The following IARS2 variants were observed in gnomAD, a reference collection of about 807,000 sequenced individuals.
IARS2 encodes isoleucine--tRNA ligase, mitochondrial.
A neutral mutation model predicts 126.3 loss-of-function variants in IARS2; 56 were observed. That is an observed-to-expected ratio of 0.44 (90% CI 0.36 to 0.55). IARS2 has a LOEUF of 0.55. Ranked by LOEUF, IARS2 falls within the 20% of genes least tolerant of loss-of-function variation. The pLI is 0.00. For missense variants in IARS2, 1,127 were observed against 1,245.9 expected (o/e 0.90, Z 1.44); for synonymous variants, 407 against 441.1 (o/e 0.92, Z 0.97).
At position 220,137,928 on chromosome 1, in the gene IARS2, A is replaced by G. The variant is rs746036167; in HGVS notation, c.2060A>G (p.Lys687Arg). The G allele has an allele frequency of 1.1e-5, 17 of 1,614,118 alleles. No homozygotes were observed. The highest frequency in any genetic ancestry group is 1.4e-5 in the Non-Finnish European group (17 of 1,180,004). ...TTTCTCAATGAAAAGGATCAAAGCA[A>G]AGAGCCTCCGTATGGTGCTGATGTC... is the stretch of plus-strand genomic sequence containing the variant. ...VVVNGGQDQS[K>R]EPPYGADVLR... The change falls in exon 17 of 23, where the codon AAA becomes AGA. Residue 687 changes from lysine (K) to arginine (R), a missense_variant. Transcript: ENST00000366922.
At chr1:220,127,492 A>G (rs1657178330) in intron 14 of IARS2, among the ~76,000 whole-genome samples, 1 of 152,230 alleles carries the variant, frequency 6.6e-6, no homozygotes, top group Non-Finnish European at 1.5e-5. Context: ...GCTTGAGAAG[A>G]AATATTTTTA....
At chr1:220,097,776 C>T (rs889587322) in intron 2 of IARS2, among the ~76,000 whole-genome samples, 30 of 152,196 alleles carry the variant, frequency 2.0e-4, no homozygotes, top group Non-Finnish European at 7.3e-5. Context: ...TTAATGGCTA[C>T]AGTGGATCAC....
Position 220,143,075 on chromosome 1 carries a change from G to A in IARS2, c.2692G>A (p.Ala898Thr). 1.9e-6 allele frequency: 3 copies of A among 1,614,180 alleles called. No homozygotes were observed. In the South Asian group the frequency reaches 3.3e-5, roughly 18 times the overall value. ...TCTTGGAAGCATCCCTGGCAAAAAT[G>A]CAGCTGAGTACAAGGTTATCACTGT... is the stretch of plus-strand genomic sequence containing the variant. The part of the protein sequence containing the change: ...SFLGSIPGKN[A>T]AEYKVITVIE... The change falls in exon 21 of 23, where the codon GCA (alanine) becomes ACA (threonine). Residue 898 changes from alanine (A) to threonine (T), a missense_variant. Ala to Thr is a moderately conservative substitution (Grantham distance 58, BLOSUM62 0). Coordinates refer to ENST00000366922, the MANE Select transcript of IARS2 (RefSeq NM_018060.4).
chr1:220,119,267 T>A (rs1475432366), intron 12 of IARS2, among the ~76,000 whole-genome samples: 1 of 152,094 alleles, frequency 6.6e-6, no homozygotes, highest in Non-Finnish European at 1.5e-5. Context: ...TGTGTTGAGA[T>A]AAGGCCTTTG....
At chr1:220,103,155 C>T (rs1245666831) in intron 7 of IARS2, among the ~76,000 whole-genome samples, 1 of 151,990 alleles carries the variant, frequency 6.6e-6, no homozygotes, top group Non-Finnish European at 1.5e-5. Flanking sequence ...ATTTTCCTGC[C>T]TCAGCCTCCC....
intron 12 of IARS2, among the ~76,000 whole-genome samples, chr1:220,116,692 A>G (rs549291637): frequency 1.3e-5 from 2 of 152,230 alleles, no homozygotes; most frequent in South Asian, 4.2e-4. Flanking sequence ...TCAGATGTAA[A>G]CTACTAATAT....
intron 8 of IARS2, among the ~76,000 whole-genome samples, chr1:220,105,657 A>G (rs781179718): frequency 2.6e-5 from 4 of 152,242 alleles, no homozygotes; most frequent in Non-Finnish European, 5.9e-5. Context: ...CAAAACACTT[A>G]AACTACATTA....
At position 220,135,607 on chromosome 1, in the gene IARS2, T is replaced by A. The variant is rs1238486496; in HGVS notation, c.1946+1097T>A. ...ACTCCTGCTCTCAAGGGATTCACCC[T>A]CCTGAGCCTCCCAAAGTGCTGGGAT... On this transcript the variant is annotated intron_variant, in intron 15 of 22. Coordinates refer to ENST00000366922, the MANE Select transcript of IARS2 (RefSeq NM_018060.4). Among the ~76,000 whole-genome samples, 3 of 148,802 alleles carry A rather than the reference T, an allele frequency of 2.0e-5. No homozygotes were observed. The East Asian group carries it at 6.4e-4, about 31-fold the overall frequency.
chr1:220,147,451 T>C, intron 22 of IARS2, 42 bp from the exon 23 acceptor site: 2 of 1,601,260 alleles, frequency 1.2e-6, no homozygotes, highest in East Asian at 2.2e-5. Flanking sequence ...GTGTTACAAG[T>C]TGAATGCCTA....
Position 220,094,255 on chromosome 1 carries a change from C to G in IARS2, c.39C>G (p.Ala13=), listed in dbSNP as rs1368669414. ...TGCGCCCTCGCGGGCCGGGCGCGGC[C>G]GCCCTGGCCACTGCCCGAAGTTTGT... ...WGLRPRGPGA[A]ALATARSLWG... is the part of the protein sequence containing the mutation. Residue 13 remains alanine, a synonymous_variant, in exon 1 of 23, where the codon GCC becomes GCG. Transcript: ENST00000366922. 6.2e-7 allele frequency: 1 copy of G among 1,601,094 alleles called. No individual in the cohort carries two copies. Among genetic ancestry groups the G allele is most frequent in the Admixed American group, 1.7e-5 (1 of 58,674 alleles).
chr1:220,117,732 C>T, intron 12 of IARS2: 1 of 416,146 alleles, frequency 2.4e-6, no homozygotes, highest in Middle Eastern at 3.6e-4. Flanking sequence ...CAGAAAAACA[C>T]AAGTTTTCAT....
At chr1:220,111,525 T>A (rs2102823337) in intron 11 of IARS2, among the ~76,000 whole-genome samples, 1 of 151,754 alleles carries the variant, frequency 6.6e-6, no homozygotes, top group South Asian at 2.1e-4. Flanking sequence ...GGTATTTAAA[T>A]ACTTAATATA....
chr1:220,127,422 T>C (rs1411468173), intron 14 of IARS2, among the ~76,000 whole-genome samples: 1 of 152,190 alleles, frequency 6.6e-6, no homozygotes, highest in Non-Finnish European at 1.5e-5. Flanking sequence ...AGGAGAGACG[T>C]TGGGCAGGAA....
rs200153924 is a variant in IARS2, at chr1:220,138,061, T to A, written c.2175+18T>A. On this transcript the variant is annotated intron_variant, in intron 17 of 22. Transcript: ENST00000366922. ...TTAGCAAGGTTAGAACTATTATTCT[T>A]CCTATTTCTAAAGGACAAGTTTGTC... 1.2e-6 allele frequency: 2 copies of A among 1,610,582 alleles called. No individual in the cohort carries two copies. Among genetic ancestry groups the A allele is most frequent in the Non-Finnish European group, 1.7e-6 (2 of 1,177,540 alleles).
intron 14 of IARS2, 111 bp downstream of exon 14, chr1:220,126,954 A>T (rs748038008): frequency 8.1e-5 from 59 of 728,560 alleles, no homozygotes; most frequent in Non-Finnish European, 1.3e-4. Flanking sequence ...TTATTTAGAG[A>T]TCTGCTATAT....
At position 220,134,764 on chromosome 1, in the gene IARS2, TG is replaced by T. The variant is rs1403248975; in HGVS notation, c.1946+255del. 7.8e-3 allele frequency: 1,969 copies of T among 252,216 alleles called. 14 individuals are homozygous for T. The highest frequency in any genetic ancestry group is 0.016 in the South Asian group (97 of 5,902). The allele number at this position is 252,216 out of a possible 1,614,324, so 15.6% of individuals were successfully genotyped here. On this transcript the variant is annotated intron_variant, in intron 15 of 22. Coordinates refer to ENST00000366922, the MANE Select transcript of IARS2 (RefSeq NM_018060.4). Reference sequence around the variant, plus strand: ...GGGAACTTATGTAGTTCTTTGTTGTTGTTGTTTTTTTTTTTTTTTTTGAAAA... The same window carrying T: ...GGGAACTTATGTAGTTCTTTGTTGTTTTGTTTTTTTTTTTTTTTTTGAAAA...
At chr1:220,114,074 G>A (rs1158331053) in intron 11 of IARS2, among the ~76,000 whole-genome samples, 1 of 152,050 alleles carries the variant, frequency 6.6e-6, no homozygotes, top group African/African-American at 2.4e-5. Context: ...ATGCAACAAT[G>A]CTCCTGATAT....
rs1657638389 is a variant in IARS2 at position 220,147,829 on chromosome 1, A to G, written c.*194A>G. On this transcript the variant is annotated 3_prime_UTR_variant, in exon 23 of 23. Coordinates refer to ENST00000366922, the MANE Select transcript of IARS2 (RefSeq NM_018060.4). Reference sequence around the variant, plus strand: ...TATAGAAAGAATTATGTATATATACATGCAGAAATATATATGTGTGTGTGT... The same window carrying G: ...TATAGAAAGAATTATGTATATATACGTGCAGAAATATATATGTGTGTGTGT... The G allele has an allele frequency of 5.1e-6, 3 of 582,606 alleles. No homozygotes were observed. In the East Asian group the frequency reaches 8.3e-5, roughly 16 times the overall value. The allele number at this position is 582,606 out of a possible 1,614,324, so 36.1% of individuals were successfully genotyped here.
intron 14 of IARS2, among the ~76,000 whole-genome samples, chr1:220,130,856 A>G (rs889117701): frequency 1.3e-5 from 2 of 152,048 alleles, no homozygotes; most frequent in African/African-American, 4.8e-5. Context: ...TCCTTTTCCC[A>G]CTGTATGTTC....
Sources: gnomAD v4.1 joint callset for allele counts (sites outside exome capture counted in the v4.1 genomes callset) on GRCh38, gnomAD v4.1.1 for gene constraint, MANE v1.5 for transcripts, NCBI Gene and HGNC (gene_info 2026-07-23, HGNC 2026-07-21) for gene names.